The following ARRDC5 variants were observed in gnomAD, a reference collection of about 807,000 sequenced individuals.
The protein encoded by ARRDC5 is arrestin domain containing 5.
A neutral mutation model predicts 13.3 loss-of-function variants in ARRDC5; 12 were observed. The ratio of observed to expected loss-of-function variants is 0.90; its 90% CI spans 0.58 to 1.46. ARRDC5 has a LOEUF of 1.46. ARRDC5 is among the 40% of genes most tolerant of loss of function. The pLI, the probability that ARRDC5 is intolerant of heterozygous loss-of-function variation, is 0.00. For synonymous variants in ARRDC5, 181 were observed against 173.4 expected (o/e 1.04, Z -0.34); for missense variants, 406 against 418.7 (o/e 0.97, Z 0.26).
At chr19:4,914,374 G>A in the ARRDC5 span, among the ~76,000 whole-genome samples, 2 of 152,200 alleles carry the variant, frequency 1.3e-5, no homozygotes, top group East Asian at 3.8e-4. Flanking sequence ...TGTCCTTATA[G>A]AATGTTCTAG....
At chr19:4,914,936 G>A in the ARRDC5 span, among the ~76,000 whole-genome samples, 3 of 152,288 alleles carry the variant, frequency 2.0e-5, no homozygotes, top group East Asian at 3.9e-4. Context: ...GGCCTGTCCC[G>A]CTCTGCACTG....
At chr19:4,894,250 G>A (rs1349857393) in intron 2 of ARRDC5, among the ~76,000 whole-genome samples, 3 of 150,722 alleles carry the variant, frequency 2.0e-5, no homozygotes, top group Non-Finnish European at 4.4e-5. Context: ...GGTGGCTCAC[G>A]CCTGTAATCC....
intron 2 of ARRDC5, among the ~76,000 whole-genome samples, chr19:4,894,400 A>G (rs1325214987): frequency 6.8e-6 from 1 of 148,058 alleles, no homozygotes. Flanking sequence ...AGTCCCAGCT[A>G]CTTGGGAGGC....
upstream of ARRDC5, among the ~76,000 whole-genome samples, chr19:4,904,072 G>C (rs542891573): frequency 2.0e-5 from 3 of 152,222 alleles, no homozygotes; most frequent in Admixed American, 2.0e-4. Flanking sequence ...TGCCCCCTGG[G>C]TTCAAGCGAT....
chr19:4,915,321 C>T, the ARRDC5 span, among the ~76,000 whole-genome samples: 1 of 152,332 alleles, frequency 6.6e-6, no homozygotes, highest in African/African-American at 2.4e-5. Context: ...GGCGCGGCCT[C>T]TGTTAGGGTG....
chr19:4,894,066 GAGA>G (rs2031614042), intron 2 of ARRDC5, among the ~76,000 whole-genome samples: 2 of 139,288 alleles, frequency 1.4e-5, no homozygotes, highest in African/African-American at 2.7e-5. Context: ...AAAAAAAGAG[GAGA>G]AGAAGAAGAA....
At chr19:4,903,399 G>C (rs1370971603), upstream of ARRDC5, 2 of 153,670 alleles carry the variant, frequency 1.3e-5, no homozygotes, top group African/African-American at 2.4e-5. Flanking sequence ...TGCCACATCT[G>C]CCTCCCGGGT....
At chr19:4,909,887 CG>C in the ARRDC5 span, 29 of 373,814 alleles carry the variant, frequency 7.8e-5, no homozygotes, top group Admixed American at 5.1e-4. Flanking sequence ...TCGAGCGCGC[CG>C]GGTGGGGGAG....
At chr19:4,907,452 A>G (rs2032087517), upstream of ARRDC5, among the ~76,000 whole-genome samples, 1 of 151,878 alleles carries the variant, frequency 6.6e-6, no homozygotes, top group Admixed American at 6.6e-5. Context: ...TATTTTTAGT[A>G]GAGATGGGGT....
In ARRDC5 at chr19:4,900,771, G is replaced by C. The variant is rs1599220814; in HGVS notation, c.253+1802C>G. On this transcript the variant is annotated intron_variant, in intron 1 of 2. Coordinates refer to ENST00000650722, the MANE Select transcript of ARRDC5 (RefSeq NM_001080523.3). ...GTGGTGGCTCATGCCTGTAATCCCA[G>C]CACTTTGGGAGGCCAAGGTGGGCGG... 7.2e-5 allele frequency among the ~76,000 whole-genome samples: 11 copies of C among 152,232 alleles called. No homozygotes were observed. In the South Asian group the frequency reaches 2.3e-3, roughly 32 times the overall value.
chr19:4,909,691 G>C, the ARRDC5 span: 7 of 510,004 alleles, frequency 1.4e-5, no homozygotes, highest in Admixed American at 1.3e-4. Context: ...GCCAGCCCGG[G>C]CCGGGCGCAC....
the ARRDC5 span, among the ~76,000 whole-genome samples, chr19:4,915,329 G>A: frequency 0.64 from 97,612 of 152,076 alleles, 31,620 homozygotes; most frequent in East Asian, 0.86. Context: ...CTCTGTTAGG[G>A]TGACTCACCA....
chr19:4,891,665 C>T (rs369212006), intron 2 of ARRDC5, 92 bp from the exon 3 acceptor site: 2 of 1,219,330 alleles, frequency 1.6e-6, no homozygotes. Context: ...TCCTCAAAGT[C>T]TGTGGGGCTG....
At position 4,891,433 on chromosome 19, in the gene ARRDC5, CT is replaced by C. The variant is rs757637504; in HGVS notation, c.599del (p.Gln200ArgfsTer38). 2.5e-6 allele frequency: 4 copies of C among 1,613,518 alleles called. No individual in the cohort carries two copies. The highest frequency in any genetic ancestry group is 3.4e-6 in the Non-Finnish European group (4 of 1,179,902). ...KVVFTTEINN[Q>X]TSKCIKTVVF... The stretch of plus-strand genomic sequence containing the variant: ...CGACCGTCTTGATGCATTTGCTGGT[CT>C]GGTTGTTGATCTCTGTTGTGAAGAC... On this transcript the variant is annotated frameshift_variant, in exon 3 of 3. Coordinates refer to ENST00000650722, the MANE Select transcript of ARRDC5 (RefSeq NM_001080523.3). LOFTEE classifies it low-confidence loss of function (END_TRUNC).
At chr19:4,908,270 C>T in the ARRDC5 span, among the ~76,000 whole-genome samples, 13 of 152,122 alleles carry the variant, frequency 8.5e-5, no homozygotes, top group Admixed American at 8.5e-4. Context: ...CTTCGGGGGC[C>T]ATGATCTGTC....
intron 2 of ARRDC5, among the ~76,000 whole-genome samples, chr19:4,895,096 T>G (rs113283055): frequency 6.7e-6 from 1 of 150,314 alleles, no homozygotes; most frequent in Non-Finnish European, 1.5e-5. Flanking sequence ...CAATGTCCCT[T>G]ATTTCCAAAT....
At chr19:4,912,678 A>G in the ARRDC5 span, among the ~76,000 whole-genome samples, 10 of 152,162 alleles carry the variant, frequency 6.6e-5, no homozygotes, top group Admixed American at 6.6e-4. Flanking sequence ...TGCAGACACC[A>G]GTCCACCTTT....
the ARRDC5 span, chr19:4,910,803 G>A: frequency 3.4e-6 from 5 of 1,473,612 alleles, no homozygotes; most frequent in Admixed American, 1.1e-4. Flanking sequence ...AAGCAACCCC[G>A]ACTCCTTAGA....
chr19:4,898,454 T>C (rs562953276), intron 1 of ARRDC5, among the ~76,000 whole-genome samples: 1 of 152,060 alleles, frequency 6.6e-6, no homozygotes, highest in African/African-American at 2.4e-5. Flanking sequence ...CTCCGCCTCC[T>C]AGGTTCAAGC....
Sources: gnomAD v4.1 joint callset for allele counts (sites outside exome capture counted in the v4.1 genomes callset) on GRCh38, gnomAD v4.1.1 for gene constraint, MANE v1.5 for transcripts, NCBI Gene and HGNC (gene_info 2026-07-23, HGNC 2026-07-21) for gene names.